Variants in STPG2 observed in about 807,000 individuals in gnomAD.
The protein encoded by STPG2 is sperm-tail PG-rich repeat-containing protein 2.
Under a neutral mutation model 54.2 loss-of-function variants are expected in STPG2, and 56 were observed. That is an observed-to-expected ratio of 1.03 (90% CI 0.83 to 1.29). STPG2 has a LOEUF of 1.29. Ranked by LOEUF, STPG2 falls within the 50% of genes most tolerant of loss-of-function variation. STPG2 has a pLI of 0.00. For missense variants in STPG2, 596 were observed against 544.9 expected (o/e 1.09, Z -0.93); for synonymous variants, 200 against 181.8 (o/e 1.10, Z -0.81).
At chr4:98,051,920 G>A (rs888040903) in intron 5 of STPG2, among the ~76,000 whole-genome samples, 6 of 151,596 alleles carry the variant, frequency 4.0e-5, no homozygotes, top group South Asian at 2.1e-4. Flanking sequence ...AAACGCTGTC[G>A]CTACTAAAAA....
At chr4:97,734,448 T>A (rs1318193680) in intron 9 of STPG2, among the ~76,000 whole-genome samples, 1 of 152,088 alleles carries the variant, frequency 6.6e-6, no homozygotes, top group Non-Finnish European at 1.5e-5. Flanking sequence ...GGCCCCAGAG[T>A]GTGGTGTTCC....
At position 97,997,648 on chromosome 4, in the gene STPG2, A is replaced by C. The variant is rs1287622654; in HGVS notation, c.613-16330T>G. Among the ~76,000 whole-genome samples, 22 of 152,356 alleles carry C rather than the reference A, an allele frequency of 1.4e-4. 1 individual carries two copies. Among genetic ancestry groups the C allele is most frequent in the African/African-American group, 4.8e-4 (20 of 41,584 alleles). On this transcript the variant is annotated intron_variant, in intron 5 of 10. Coordinates refer to ENST00000295268, the MANE Select transcript of STPG2 (RefSeq NM_174952.3). ...TCACTGGACAAAGAAAATGTGGTACATATACACCATGGAATACTATGCAGC... is the reference window on the plus strand; with the variant it reads ...TCACTGGACAAAGAAAATGTGGTACCTATACACCATGGAATACTATGCAGC...
intron 7 of STPG2, among the ~76,000 whole-genome samples, chr4:97,967,486 C>A (rs1471320735): frequency 6.6e-6 from 1 of 152,140 alleles, no homozygotes; most frequent in Non-Finnish European, 1.5e-5. Flanking sequence ...AGGACTTGAA[C>A]TCAGCTCTGC....
At chr4:97,548,149 TCAAAA>T (rs77639854) in intron 4 of STPG2, among the ~76,000 whole-genome samples, 24 of 150,706 alleles carry the variant, frequency 1.6e-4, no homozygotes, top group South Asian at 8.5e-4. Context: ...AAACTCTGTC[TCAAAA>T]CAAAACAAAA....
At chr4:97,938,636 C>G (rs565289747) in intron 8 of STPG2, among the ~76,000 whole-genome samples, 1 of 152,168 alleles carries the variant, frequency 6.6e-6, no homozygotes, top group Non-Finnish European at 1.5e-5. Context: ...TTGCACAGAT[C>G]TGTGGAAAAA....
chr4:97,975,480 T>C (rs978717363), intron 6 of STPG2, among the ~76,000 whole-genome samples: 2 of 152,174 alleles, frequency 1.3e-5, no homozygotes, highest in South Asian at 2.1e-4. Flanking sequence ...TTTTCCACAG[T>C]GGTAGTTCTG....
At chr4:97,953,409 G>A (rs924758289) in intron 7 of STPG2, among the ~76,000 whole-genome samples, 2 of 152,170 alleles carry the variant, frequency 1.3e-5, no homozygotes, top group Admixed American at 6.5e-5. Flanking sequence ...TCCCCACAGA[G>A]ACTGCAACCA....
intron 4 of STPG2, among the ~76,000 whole-genome samples, chr4:97,548,769 C>T (rs1731900716): frequency 6.6e-6 from 1 of 152,062 alleles, no homozygotes. Flanking sequence ...AAAAAAGACA[C>T]TTTGCAAATT....
intron 9 of STPG2, among the ~76,000 whole-genome samples, chr4:97,778,818 T>C (rs549218149): frequency 2.8e-4 from 43 of 152,136 alleles, no homozygotes; most frequent in Middle Eastern, 3.4e-3. Context: ...CCCAGGCAAA[T>C]AGAGCCTGGA....
intron 4 of STPG2, among the ~76,000 whole-genome samples, chr4:97,481,686 A>C (rs1730223860): frequency 6.6e-6 from 1 of 151,578 alleles, no homozygotes; most frequent in South Asian, 2.1e-4. Context: ...ATTTTTGAAC[A>C]CTGACCTTAT....
At chr4:97,916,631 T>G (rs1731888300) in intron 8 of STPG2, 1 of 152,774 alleles carries the variant, frequency 6.5e-6, no homozygotes, top group South Asian at 2.1e-4. Flanking sequence ...ACTGCAATCC[T>G]GCCCTCCCAT....
chr4:97,678,242 G>A (rs534574257), intron 10 of STPG2, among the ~76,000 whole-genome samples: 12 of 151,808 alleles, frequency 7.9e-5, no homozygotes, highest in Non-Finnish European at 1.3e-4. Flanking sequence ...TATGAAATAA[G>A]GCCAGTAATG....
chr4:97,774,434 A>G (rs1726313605), intron 9 of STPG2, among the ~76,000 whole-genome samples: 1 of 152,142 alleles, frequency 6.6e-6, no homozygotes, highest in South Asian at 2.1e-4. Flanking sequence ...CAAAACCAAC[A>G]AATAAACAGT....
At chr4:97,557,040 G>T (rs911530184), downstream of STPG2, among the ~76,000 whole-genome samples, 1 of 152,114 alleles carries the variant, frequency 6.6e-6, no homozygotes, top group African/African-American at 2.4e-5. Flanking sequence ...AATTAGCAGG[G>T]CGTGGTGGCA....
intron 10 of STPG2, among the ~76,000 whole-genome samples, chr4:97,674,959 T>G (rs1437079542): frequency 6.6e-6 from 1 of 152,178 alleles, no homozygotes; most frequent in Non-Finnish European, 1.5e-5. Context: ...TGCAATCTCT[T>G]TTGACCTCAA....
At chr4:97,629,163 TAA>T (rs943672811) in intron 10 of STPG2, among the ~76,000 whole-genome samples, 3 of 151,928 alleles carry the variant, frequency 2.0e-5, no homozygotes, top group African/African-American at 4.8e-5. Flanking sequence ...ATAATAATAA[TAA>T]GAGTAATAGT....
At chr4:98,073,768 A>C (rs996824790) in intron 5 of STPG2, among the ~76,000 whole-genome samples, 1 of 152,158 alleles carries the variant, frequency 6.6e-6, no homozygotes, top group Non-Finnish European at 1.5e-5. Flanking sequence ...AATTAAGGAT[A>C]AAATACAACA....
intron 5 of STPG2, among the ~76,000 whole-genome samples, chr4:98,092,271 T>C (rs892912222): frequency 3.3e-5 from 5 of 152,070 alleles, no homozygotes; most frequent in African/African-American, 9.7e-5. Context: ...ATTGAAAAAC[T>C]TTCCTTAGAA....
chr4:97,830,457 C>T (rs187909444), intron 9 of STPG2, among the ~76,000 whole-genome samples: 1 of 152,266 alleles, frequency 6.6e-6, no homozygotes, highest in Admixed American at 6.5e-5. Context: ...TATGAAGAAA[C>T]TGCACCAACT....
Sources: gnomAD v4.1 joint callset for allele counts (sites outside exome capture counted in the v4.1 genomes callset) on GRCh38, gnomAD v4.1.1 for gene constraint, MANE v1.5 for transcripts, NCBI Gene and HGNC (gene_info 2026-07-23, HGNC 2026-07-21) for gene names.